The following FGD4 variants were observed in gnomAD, a reference collection of about 807,000 sequenced individuals.
FGD4 encodes the protein FYVE, RhoGEF and PH domain containing 4, also known as FYVE, RhoGEF and PH domain-containing protein 4.
FGD4 carries 42 observed loss-of-function variants against 102.0 expected under a neutral mutation model. The observed-to-expected ratio is 0.41, with a 90% CI of 0.32 to 0.53. FGD4 has a LOEUF of 0.53. Ranked by LOEUF, FGD4 falls within the 20% of genes least tolerant of loss-of-function variation. FGD4 has a pLI of 0.21. For synonymous variants in FGD4, 380 were observed against 375.7 expected (o/e 1.01, Z -0.13); for missense variants, 902 against 1,078.2 (o/e 0.84, Z 2.29).
chr12:32,440,309 A>G (rs186426382), intron 1 of FGD4, among the ~76,000 whole-genome samples: 6 of 152,262 alleles, frequency 3.9e-5, no homozygotes, highest in Non-Finnish European at 1.5e-5. Context: ...CTTTTCAGGT[A>G]TTTGAAAGGA....
At chr12:32,639,342 T>C (rs1205089215) in intron 16 of FGD4, among the ~76,000 whole-genome samples, 3 of 152,156 alleles carry the variant, frequency 2.0e-5, no homozygotes, top group African/African-American at 7.2e-5. Context: ...TTTTATATTT[T>C]TAGTAGAGAC....
At chr12:32,400,361 C>A (rs2136372429) in intron 1 of FGD4, among the ~76,000 whole-genome samples, 1 of 152,272 alleles carries the variant, frequency 6.6e-6, no homozygotes, top group South Asian at 2.1e-4. Flanking sequence ...GGCTGGTGTC[C>A]GCCCAAGTCT....
chr12:32,636,873 CT>C (rs1423444464), intron 15 of FGD4, among the ~76,000 whole-genome samples: 4,202 of 135,996 alleles, frequency 0.031, 172 homozygotes, highest in African/African-American at 0.11. Flanking sequence ...TATTTTTTTT[CT>C]TTTTTTTTTT....
At chr12:32,569,155 C>T (rs1046645128) in intron 2 of FGD4, among the ~76,000 whole-genome samples, 2 of 152,168 alleles carry the variant, frequency 1.3e-5, no homozygotes, top group African/African-American at 4.8e-5. Context: ...TACCTAGAAT[C>T]CAAGTATCTC....
intron 1 of FGD4, among the ~76,000 whole-genome samples, chr12:32,509,654 G>A (rs989399509): frequency 5.3e-5 from 8 of 152,164 alleles, no homozygotes; most frequent in South Asian, 2.1e-4. Context: ...ACACATGGTT[G>A]CAAGAAATAG....
chr12:32,518,403 G>A (rs867441840), intron 1 of FGD4, among the ~76,000 whole-genome samples: 1 of 152,130 alleles, frequency 6.6e-6, no homozygotes, highest in East Asian at 1.9e-4. Context: ...GCTTGAACCC[G>A]GTAGTCGGAG....
chr12:32,601,682 T>C (rs375239262), intron 6 of FGD4, among the ~76,000 whole-genome samples: 4 of 152,246 alleles, frequency 2.6e-5, no homozygotes, highest in African/African-American at 9.6e-5. Context: ...TATGGCATTC[T>C]GATAGCCCCT....
intron 1 of FGD4, among the ~76,000 whole-genome samples, chr12:32,417,392 A>G (rs1941462221): frequency 6.6e-6 from 1 of 152,010 alleles, no homozygotes; most frequent in African/African-American, 2.4e-5. Context: ...CATGCCTGTA[A>G]GGTCTCCTGG....
chr12:32,440,443 A>G (rs140234025), intron 1 of FGD4, among the ~76,000 whole-genome samples: 1 of 152,284 alleles, frequency 6.6e-6, no homozygotes, highest in Non-Finnish European at 1.5e-5. Flanking sequence ...GATTCGGCAA[A>G]ATTATCTGGA....
intron 1 of FGD4, among the ~76,000 whole-genome samples, chr12:32,488,003 C>G (rs1191727524): frequency 6.6e-6 from 1 of 152,058 alleles, no homozygotes; most frequent in African/African-American, 2.4e-5. Context: ...CTTCTATGTT[C>G]CAAGTCTTGT....
intron 1 of FGD4, among the ~76,000 whole-genome samples, chr12:32,562,653 C>A (rs554348226): frequency 1.3e-5 from 2 of 152,198 alleles, no homozygotes; most frequent in Admixed American, 6.5e-5. Flanking sequence ...TTTAACAAAG[C>A]ACATCCTGCA....
intron 1 of FGD4, among the ~76,000 whole-genome samples, chr12:32,531,888 C>A (rs1159883407): frequency 6.6e-6 from 1 of 152,138 alleles, no homozygotes; most frequent in Non-Finnish European, 1.5e-5. Flanking sequence ...GTAGATGCTG[C>A]AGATTATTAC....
At chr12:32,626,599 C>T (rs1950188219) in intron 14 of FGD4, among the ~76,000 whole-genome samples, 1 of 152,008 alleles carries the variant, frequency 6.6e-6, no homozygotes, top group Admixed American at 6.6e-5. Context: ...GAGGCTGGAG[C>T]ATGATGAGTA....
intron 1 of FGD4, among the ~76,000 whole-genome samples, chr12:32,413,794 C>T (rs1941296190): frequency 6.6e-6 from 1 of 152,096 alleles, no homozygotes; most frequent in African/African-American, 2.4e-5. Flanking sequence ...TCAGAATAAA[C>T]CTTAAATATT....
chr12:32,599,809 A>G (rs1351872263), intron 5 of FGD4, among the ~76,000 whole-genome samples: 2 of 151,858 alleles, frequency 1.3e-5, no homozygotes, highest in African/African-American at 2.4e-5. Context: ...TGGCCTCTCA[A>G]AGTGCTGGGA....
At chr12:32,585,794 A>G (rs1260702220) in intron 4 of FGD4, among the ~76,000 whole-genome samples, 4 of 141,030 alleles carry the variant, frequency 2.8e-5, no homozygotes, top group African/African-American at 1.1e-4. Flanking sequence ...TGATCCTGCT[A>G]CTTCACTCTC....
Position 32,610,851 on chromosome 12 carries a change from G to A in FGD4, c.1602+17G>A. ...AGGAAAATGGTAAGTGGTTTTCGGA[G>A]GAGACAGGAACCTCTGATTAGACAA... On this transcript the variant is annotated intron_variant, in intron 9 of 16. Coordinates refer to ENST00000534526, the MANE Select transcript of FGD4 (RefSeq NM_001370298.3). 2 of 1,612,270 alleles carry A rather than the reference G, an allele frequency of 1.2e-6. No individual in the cohort carries two copies. Among genetic ancestry groups the A allele is most frequent in the Non-Finnish European group, 1.7e-6 (2 of 1,178,580 alleles).
chr12:32,526,366 A>T (rs11052045), intron 1 of FGD4, among the ~76,000 whole-genome samples: 37,585 of 151,730 alleles, frequency 0.25, 5,394 homozygotes, highest in Middle Eastern at 0.44. Context: ...CAGCACCCTG[A>T]GTTTAGCTCA....
At chr12:32,457,665 T>A (rs1438142634) in intron 1 of FGD4, among the ~76,000 whole-genome samples, 1 of 152,204 alleles carries the variant, frequency 6.6e-6, no homozygotes, top group African/African-American at 2.4e-5. Context: ...TTTCTGTGGG[T>A]GTGTGTAAAT....
Sources: gnomAD v4.1 joint callset for allele counts (sites outside exome capture counted in the v4.1 genomes callset) on GRCh38, gnomAD v4.1.1 for gene constraint, MANE v1.5 for transcripts, NCBI Gene and HGNC (gene_info 2026-07-23, HGNC 2026-07-21) for gene names.